The following TARP variants were observed in gnomAD, a reference collection of about 807,000 sequenced individuals.
At chr7:38,271,609 T>C in the TARP span, among the ~76,000 whole-genome samples, 1 of 151,488 alleles carries the variant, frequency 6.6e-6, no homozygotes, top group Non-Finnish European at 1.5e-5. Flanking sequence ...GTAATGTCTC[T>C]GTAGTTTTTA....
chr7:38,264,589 C>CA, the TARP span, among the ~76,000 whole-genome samples: 16,516 of 126,206 alleles, frequency 0.13, 995 homozygotes, highest in East Asian at 0.3. Flanking sequence ...GAAACTCTGT[C>CA]AAAAAAAAAA....
At chr7:38,265,961 G>A in the TARP span, among the ~76,000 whole-genome samples, 1 of 151,562 alleles carries the variant, frequency 6.6e-6, no homozygotes, top group Admixed American at 6.6e-5. Flanking sequence ...TGCACATGCT[G>A]TGATGAGTGT....
At chr7:38,264,027 A>G in the TARP span, among the ~76,000 whole-genome samples, 5 of 152,120 alleles carry the variant, frequency 3.3e-5, no homozygotes, top group African/African-American at 1.2e-4. Context: ...AGGTAAAAAG[A>G]ATAAAGTAAC....
At chr7:38,272,025 TTGAAAA>T in the TARP span, among the ~76,000 whole-genome samples, 8 of 151,558 alleles carry the variant, frequency 5.3e-5, no homozygotes, top group African/African-American at 1.7e-4. Flanking sequence ...AAATTTTCTC[TTGAAAA>T]TGAAAAATCA....
At chr7:38,269,415 A>G in the TARP span, 4 of 688,284 alleles carry the variant, frequency 5.8e-6, no homozygotes, top group Non-Finnish European at 1.1e-5. Context: ...TCTAAACATT[A>G]TTACATTATT....
chr7:38,263,977 T>C, the TARP span, among the ~76,000 whole-genome samples: 28,368 of 138,166 alleles, frequency 0.21, no homozygotes, highest in African/African-American at 0.38. Flanking sequence ...TATTAAAAGA[T>C]AAATGAAAAT....
the TARP span, among the ~76,000 whole-genome samples, chr7:38,272,073 A>G: frequency 2.6e-5 from 4 of 151,354 alleles, no homozygotes; most frequent in Middle Eastern, 3.2e-3. Flanking sequence ...ATTTGAGATA[A>G]TACGTAAAAC....
the TARP span, among the ~76,000 whole-genome samples, chr7:38,261,779 G>A: frequency 1.3e-5 from 2 of 150,226 alleles, no homozygotes; most frequent in South Asian, 2.1e-4. Context: ...AGCTGAGGCA[G>A]GAGAATCACT....
At chr7:38,261,775 G>A in the TARP span, among the ~76,000 whole-genome samples, 1 of 150,376 alleles carries the variant, frequency 6.6e-6, no homozygotes, top group Non-Finnish European at 1.5e-5. Flanking sequence ...GAGAAGCTGA[G>A]GCAGGAGAAT....
chr7:38,272,077 G>C, the TARP span, among the ~76,000 whole-genome samples: 41 of 150,956 alleles, frequency 2.7e-4, no homozygotes, highest in Non-Finnish European at 5.0e-4. Context: ...GAGATAATAC[G>C]TAAAACATTC....
chr7:38,272,635 T>A, the TARP span, among the ~76,000 whole-genome samples: 58 of 149,512 alleles, frequency 3.9e-4, no homozygotes, highest in East Asian at 8.8e-3. Context: ...GTTTTCCAAT[T>A]TTTCTATAAT....
chr7:38,265,609 A>G, the TARP span: 1 of 1,611,556 alleles, frequency 6.2e-7, no homozygotes, highest in Non-Finnish European at 8.5e-7. Flanking sequence ...AGCCTTCTGG[A>G]GCTTTGTTTC....
the TARP span, among the ~76,000 whole-genome samples, chr7:38,273,420 T>G: frequency 6.6e-6 from 1 of 151,386 alleles, no homozygotes; most frequent in African/African-American, 2.4e-5. Context: ...TCTCCCATGC[T>G]AGGGCAGGAA....
the TARP span, among the ~76,000 whole-genome samples, chr7:38,267,995 G>A: frequency 6.6e-6 from 1 of 150,956 alleles, no homozygotes. Context: ...AAATGAATCT[G>A]GAACTTCCAA....
At chr7:38,266,252 G>A in the TARP span, among the ~76,000 whole-genome samples, 7 of 151,574 alleles carry the variant, frequency 4.6e-5, no homozygotes, top group African/African-American at 1.5e-4. Context: ...AACTGATTCT[G>A]CGATGCACCA....
the TARP span, among the ~76,000 whole-genome samples, chr7:38,267,342 C>T: frequency 5.9e-5 from 9 of 151,854 alleles, no homozygotes; most frequent in African/African-American, 1.7e-4. Flanking sequence ...GGGTTATACA[C>T]GTATTTTTAA....
chr7:38,269,026 G>A, the TARP span, among the ~76,000 whole-genome samples: 2 of 151,710 alleles, frequency 1.3e-5, no homozygotes, highest in African/African-American at 4.9e-5. Flanking sequence ...TTAGAAAACT[G>A]AGGCCAGAGA....
chr7:38,269,238 A>G, the TARP span, among the ~76,000 whole-genome samples: 7,473 of 151,754 alleles, frequency 0.049, 617 homozygotes, highest in African/African-American at 0.17. Flanking sequence ...TAATGAGATC[A>G]TTTCATACAT....
chr7:38,264,442 T>C, the TARP span, among the ~76,000 whole-genome samples: 1 of 151,192 alleles, frequency 6.6e-6, no homozygotes, highest in Non-Finnish European at 1.5e-5. Context: ...AACACAAAAA[T>C]TAGCCAGGTG....
Sources: gnomAD v4.1 joint callset for allele counts (sites outside exome capture counted in the v4.1 genomes callset) on GRCh38, gnomAD v4.1.1 for gene constraint, MANE v1.5 for transcripts.